The following LCK variants were observed in gnomAD, a reference collection of about 807,000 sequenced individuals.
LCK encodes tyrosine-protein kinase Lck.
A neutral mutation model predicts 64.6 loss-of-function variants in LCK; 14 were observed. That is an observed-to-expected ratio of 0.22 (90% CI 0.14 to 0.34). The LOEUF is 0.34. Among genes scored for constraint, LCK ranks in the 10% least tolerant of loss-of-function variants. The probability of loss-of-function intolerance (pLI) is 1.00; values close to 1 mark genes in which losing one functional copy is unlikely to be tolerated. For synonymous variants in LCK, 277 were observed against 263.6 expected (o/e 1.05, Z -0.49); for missense variants, 434 against 668.1 (o/e 0.65, Z 3.86).
At position 32,275,848 on chromosome 1, in the gene LCK, G is replaced by C; in HGVS notation, c.482-66G>C. On this transcript the variant is annotated intron_variant, in intron 6 of 12. Coordinates refer to ENST00000336890, the MANE Select transcript of LCK (RefSeq NM_005356.5). The surrounding 1 kb of genome is among the most constrained non-coding windows in gnomAD (Gnocchi z 6.9). ...GGGGTGCTGGGTGAGCCCAAGGTGG[G>C]GGCGCGGTGGCGGGCCAGACTCACT... 1 of 1,583,704 alleles carries C rather than the reference G, an allele frequency of 6.3e-7. No homozygotes were observed. Among genetic ancestry groups the C allele is most frequent in the Non-Finnish European group, 8.6e-7 (1 of 1,162,608 alleles).
intron 1 of LCK, among the ~76,000 whole-genome samples, chr1:32,272,648 A>AGAGAGAGAGAGAGAGG (rs1640115625): frequency 7.6e-6 from 1 of 132,166 alleles, no homozygotes; most frequent in Non-Finnish European, 1.5e-5. Flanking sequence ...AGAGAGAGAG[A>AGAGAGAGAGAGAGAGG]GCGAGAGAGC....
chr1:32,268,528 G>T (rs1209146619), intron 1 of LCK, among the ~76,000 whole-genome samples: 1 of 151,588 alleles, frequency 6.6e-6, no homozygotes, highest in Non-Finnish European at 1.5e-5. Context: ...GTGATGGATA[G>T]CTCATTTATC....
rs183847668 is a variant in LCK, at chr1:32,269,007, G to T, written c.-5-5318G>T. Among the ~76,000 whole-genome samples, 153 of 151,144 alleles carry T rather than the reference G, an allele frequency of 1.0e-3. 1 individual carries two copies. Among genetic ancestry groups the T allele is most frequent in the Non-Finnish European group, 2.0e-3 (139 of 67,806 alleles). ...AAATTAGCCAGGCGTGGTGGTGCAC[G>T]CCTGTAGTCCCACCTGCTTAGGGAG... On this transcript the variant is annotated intron_variant, in intron 1 of 12. Transcript: ENST00000336890.
At chr1:32,266,450 C>T (rs766080289) in intron 1 of LCK, among the ~76,000 whole-genome samples, 128 of 144,476 alleles carry the variant, frequency 8.9e-4, no homozygotes, top group Admixed American at 2.0e-3. Flanking sequence ...GTGAATGAGT[C>T]GTGATCACGC....
chr1:32,263,401 TA>T (rs1407445284), intron 1 of LCK, among the ~76,000 whole-genome samples: 22 of 124,478 alleles, frequency 1.8e-4, no homozygotes, highest in African/African-American at 4.8e-4. Flanking sequence ...TCAAAATAAA[TA>T]AAATAAATAA....
chr1:32,285,912 T>C lies in LCK; in HGVS notation c.*196T>C, dbSNP rs946083833. On this transcript the variant is annotated 3_prime_UTR_variant, in exon 13 of 13. Transcript: ENST00000336890. ...GTGGACTCTGCACATGTCTTGTACATGTGTAGCCTGTGCATGTATGTCTTG... is the reference window on the plus strand; with the variant it reads ...GTGGACTCTGCACATGTCTTGTACACGTGTAGCCTGTGCATGTATGTCTTG... 3 of 614,574 alleles carry C rather than the reference T, an allele frequency of 4.9e-6. No homozygotes were observed. The highest frequency in any genetic ancestry group is 8.6e-6 in the Non-Finnish European group (3 of 346,970). The allele number at this position is 614,574 out of a possible 1,614,324, so 38.1% of individuals were successfully genotyped here. A position where few individuals can be genotyped will look rare whatever the true frequency, so the allele number is the denominator to read the frequency against.
intron 1 of LCK, among the ~76,000 whole-genome samples, chr1:32,255,858 A>G (rs768226485): frequency 6.9e-6 from 1 of 145,488 alleles, no homozygotes; most frequent in African/African-American, 2.6e-5. Context: ...GCTGGGGCAC[A>G]TGGTGTGATC....
In LCK at chr1:32,276,765, A is replaced by G. The variant is rs1557586065; in HGVS notation, c.943A>G (p.Ile315Val). The G allele has an allele frequency of 6.2e-7, 1 of 1,608,922 alleles. No individual in the cohort carries two copies. Among genetic ancestry groups the G allele is most frequent in the South Asian group, 1.1e-5 (1 of 90,686 alleles). ...GGTCACCCAGGAGCCCATCTACATC[A>G]TCACTGAATACATGGAGAATGGTGG... ...AVVTQEPIYI[I>V]TEYMENGSLV... The change falls in exon 9 of 13, where the codon ATC becomes GTC. Residue 315 changes from isoleucine (I) to valine (V), a missense_variant. By Grantham distance (29) the Ile-to-Val change is conservative. This residue lies in a region of LCK where 201 missense variants were observed against 376.9 expected (regional missense o/e 0.53). Coordinates refer to ENST00000336890, the MANE Select transcript of LCK (RefSeq NM_005356.5). The surrounding 1 kb of genome is among the most constrained non-coding windows in gnomAD (Gnocchi z 4.6).
chr1:32,275,740 T>G lies in LCK; in HGVS notation c.481+68T>G, dbSNP rs1569954851. ...GGTGTGCCCGAGGGGGGGCGCAGGG[T>G]GAGCCCGAGGTGGAGACACGGGGTG... On this transcript the variant is annotated intron_variant, in intron 6 of 12. Transcript: ENST00000336890. This position sits in a 1 kb window ranked among gnomAD's most constrained non-coding sequence, Gnocchi z 6.9. The G allele has an allele frequency of 7.0e-7, 1 of 1,437,748 alleles. No homozygotes were observed. Among genetic ancestry groups the G allele is most frequent in the Non-Finnish European group, 9.4e-7 (1 of 1,068,212 alleles). 89.1% of individuals were successfully genotyped at this position (1,437,748 alleles called of 1,614,324 possible).
intron 12 of LCK, 144 bp downstream of exon 12, chr1:32,280,354 G>A (rs1459204862): frequency 1.0e-6 from 1 of 970,198 alleles, no homozygotes; most frequent in Non-Finnish European, 1.5e-6. Flanking sequence ...ACGTCCCCAG[G>A]CAGATGCCAC....
chr1:32,256,579 C>T (rs1639639083), intron 1 of LCK, among the ~76,000 whole-genome samples: 1 of 151,666 alleles, frequency 6.6e-6, no homozygotes, highest in African/African-American at 2.4e-5. Flanking sequence ...GCCTGGGCAA[C>T]AAGAGCAAAA....
chr1:32,283,797 G>C (rs1640531631), intron 12 of LCK, among the ~76,000 whole-genome samples: 1 of 152,118 alleles, frequency 6.6e-6, no homozygotes, highest in South Asian at 2.1e-4. Flanking sequence ...CCACTGTCTT[G>C]GTTGTGGGTG....
At chr1:32,268,761 C>T (rs565479546) in intron 1 of LCK, among the ~76,000 whole-genome samples, 1 of 147,226 alleles carries the variant, frequency 6.8e-6, no homozygotes, top group Non-Finnish European at 1.5e-5. Flanking sequence ...TGCGGTGGGC[C>T]GAGATCGTGC....
Position 32,285,871 on chromosome 1 carries a change from C to T in LCK, c.*155C>T, listed in dbSNP as rs1301509304. ...CACATATGCACCTTGTGTCTGTACA[C>T]GTGTCCTGTAGTTGCGTGGACTCTG... On this transcript the variant is annotated 3_prime_UTR_variant, in exon 13 of 13. Coordinates refer to ENST00000336890, the MANE Select transcript of LCK (RefSeq NM_005356.5). 1.5e-5 allele frequency: 11 copies of T among 743,072 alleles called. No homozygotes were observed. The highest frequency in any genetic ancestry group is 3.5e-5 in the South Asian group (2 of 57,656). The allele number at this position is 743,072 out of a possible 1,614,324, so 46.0% of individuals were successfully genotyped here.
intron 12 of LCK, among the ~76,000 whole-genome samples, chr1:32,285,092 C>T (rs931667045): frequency 6.6e-6 from 1 of 151,946 alleles, no homozygotes; most frequent in Admixed American, 6.6e-5. Context: ...CACCTGAGGT[C>T]AGGAGTTCAA....
At chr1:32,279,644 G>T (rs768787945) in intron 9 of LCK, 27 bp from the exon 10 acceptor site, 9 of 1,613,778 alleles carry the variant, frequency 5.6e-6, no homozygotes, top group Non-Finnish European at 7.6e-6. Flanking sequence ...GGCAACTTGG[G>T]CCAGCAACTC....
chr1:32,265,589 A>C (rs746812929), intron 1 of LCK, among the ~76,000 whole-genome samples: 1 of 152,168 alleles, frequency 6.6e-6, no homozygotes, highest in Non-Finnish European at 1.5e-5. Context: ...CTTTTTGCCC[A>C]GTCTTAAGTC....
At chr1:32,252,574 C>T (rs953886149) in intron 1 of LCK, among the ~76,000 whole-genome samples, 6 of 152,162 alleles carry the variant, frequency 3.9e-5, no homozygotes, top group African/African-American at 1.4e-4. Context: ...GGTGGCTCTC[C>T]TCGCACTTCA....
rs1639518246 is a variant in LCK at position 32,251,932 on chromosome 1, GA to G, written c.-6+562del. Among the ~76,000 whole-genome samples, 4 of 149,798 alleles carry G rather than the reference GA, an allele frequency of 2.7e-5. No individual in the cohort carries two copies. The East Asian group carries it at 5.9e-4, about 22-fold the overall frequency. On this transcript the variant is annotated intron_variant, in intron 1 of 12. Transcript: ENST00000336890. The surrounding 1 kb of genome is among the most constrained non-coding windows in gnomAD (Gnocchi z 4.0). ...AGAGAGAGAGAGAGAGAGAGAGAGA[GA>G]GAGACAGAGATCACCCAAGGCATCC...
Sources: allele counts gnomAD v4.1 joint callset (sites outside exome capture counted in the v4.1 genomes callset), GRCh38; gene constraint gnomAD v4.1.1; regional missense constraint gnomAD v4.1.1; non-coding constraint Gnocchi (gnomAD v3.1); transcripts MANE v1.5; gene names NCBI Gene and HGNC (gene_info 2026-07-23, HGNC 2026-07-21).